The following ARHGAP42 variants were observed in gnomAD, a reference collection of about 807,000 sequenced individuals.
ARHGAP42 encodes rho GTPase-activating protein 42.
Under a neutral mutation model 125.0 loss-of-function variants are expected in ARHGAP42, and 63 were observed. The observed-to-expected ratio is 0.50, with a 90% CI of 0.41 to 0.62. The LOEUF (loss-of-function observed/expected upper bound fraction) is 0.62. Among genes scored for constraint, ARHGAP42 ranks in the 20% least tolerant of loss-of-function variants. ARHGAP42 has a pLI of 0.00. For synonymous variants in ARHGAP42, 339 were observed against 351.0 expected, an observed-to-expected ratio of 0.97 and a Z score of 0.38; for missense variants, 766 against 1,024.2, an observed-to-expected ratio of 0.75 and a Z score of 3.44.
At chr11:100,983,731 C>G (rs184038382) in intron 22 of ARHGAP42, among the ~76,000 whole-genome samples, 3 of 152,106 alleles carry the variant, frequency 2.0e-5, no homozygotes, top group Admixed American at 2.0e-4. Context: ...TCTACAGGCT[C>G]AGGTGGAAGT....
intron 1 of ARHGAP42, among the ~76,000 whole-genome samples, chr11:100,740,444 T>C (rs1862160180): frequency 6.6e-6 from 1 of 152,202 alleles, no homozygotes; most frequent in African/African-American, 2.4e-5. Flanking sequence ...GGTTAACTAA[T>C]TTGCTCCAGG....
intron 1 of ARHGAP42, among the ~76,000 whole-genome samples, chr11:100,717,040 A>G (rs577154264): frequency 6.6e-6 from 1 of 152,304 alleles, no homozygotes; most frequent in East Asian, 1.9e-4. Context: ...CTAAACATTT[A>G]TCATCTGAGG....
chr11:100,774,282 A>G (rs1863056510), intron 2 of ARHGAP42, among the ~76,000 whole-genome samples: 2 of 152,202 alleles, frequency 1.3e-5, no homozygotes, highest in Admixed American at 1.3e-4. Flanking sequence ...TGGGTGGAGC[A>G]TAAGGATCAC....
intron 2 of ARHGAP42, among the ~76,000 whole-genome samples, chr11:100,775,715 TTAAGTC>T (rs1296884727): frequency 6.6e-6 from 1 of 152,222 alleles, no homozygotes; most frequent in Non-Finnish European, 1.5e-5. Flanking sequence ...ATAAAAGACT[TTAAGTC>T]TGAGCACATC....
At chr11:100,787,151 G>A (rs547700666) in intron 2 of ARHGAP42, among the ~76,000 whole-genome samples, 10 of 151,928 alleles carry the variant, frequency 6.6e-5, no homozygotes, top group South Asian at 2.1e-4. Context: ...GGTGGTGGGC[G>A]CCTGTAGTCC....
chr11:100,718,588 A>G (rs1442975659), intron 1 of ARHGAP42, among the ~76,000 whole-genome samples: 1 of 151,922 alleles, frequency 6.6e-6, no homozygotes, highest in African/African-American at 2.4e-5. Context: ...GAAAAATTAA[A>G]GTTACATATA....
intron 5 of ARHGAP42, among the ~76,000 whole-genome samples, chr11:100,916,699 T>G (rs1253278108): frequency 6.6e-6 from 1 of 152,148 alleles, no homozygotes; most frequent in Non-Finnish European, 1.5e-5. Flanking sequence ...ACATGCTAGG[T>G]AGTTGAGACG....
chr11:100,728,535 C>T (rs917591461), intron 1 of ARHGAP42, among the ~76,000 whole-genome samples: 3 of 151,804 alleles, frequency 2.0e-5, no homozygotes, highest in African/African-American at 7.3e-5. Context: ...GGCTCTTTCC[C>T]CTCTATTTGA....
intron 4 of ARHGAP42, among the ~76,000 whole-genome samples, chr11:100,897,507 T>C (rs1319650107): frequency 6.6e-6 from 1 of 152,192 alleles, no homozygotes; most frequent in African/African-American, 2.4e-5. Flanking sequence ...GTGTCCTCTT[T>C]TATTTCCTTG....
intron 1 of ARHGAP42, among the ~76,000 whole-genome samples, chr11:100,733,603 C>T (rs1193250265): frequency 1.3e-5 from 2 of 151,964 alleles, no homozygotes; most frequent in Non-Finnish European, 2.9e-5. Flanking sequence ...GCGGGCAGAT[C>T]ACCTGAGGTC....
chr11:100,908,316 G>A (rs745349236), intron 4 of ARHGAP42, among the ~76,000 whole-genome samples: 3 of 152,168 alleles, frequency 2.0e-5, no homozygotes, highest in Non-Finnish European at 4.4e-5. Context: ...TAAAACAATA[G>A]TGTGTATTCC....
chr11:100,947,042 A>G (rs1047511254), intron 10 of ARHGAP42, among the ~76,000 whole-genome samples: 19 of 151,962 alleles, frequency 1.3e-4, no homozygotes, highest in African/African-American at 4.3e-4. Flanking sequence ...ATGATTTTTA[A>G]GATCCACTTA....
chr11:100,803,209 C>G (rs971816056), intron 3 of ARHGAP42, among the ~76,000 whole-genome samples: 4 of 70,022 alleles, frequency 5.7e-5, no homozygotes, highest in South Asian at 1.3e-3. Context: ...GATCCAATCT[C>G]TACTAAAAAA....
At chr11:100,833,862 A>C (rs952687100) in intron 3 of ARHGAP42, among the ~76,000 whole-genome samples, 1 of 152,200 alleles carries the variant, frequency 6.6e-6, no homozygotes, top group South Asian at 2.1e-4. Flanking sequence ...GAGAAGTGTT[A>C]ATGAGTTTGC....
At chr11:100,815,674 G>A (rs1864251008) in intron 3 of ARHGAP42, among the ~76,000 whole-genome samples, 1 of 152,094 alleles carries the variant, frequency 6.6e-6, no homozygotes, top group Admixed American at 6.6e-5. Flanking sequence ...TCCATATAAT[G>A]TACCATCTTA....
At chr11:100,942,323 C>T (rs761439899) in intron 9 of ARHGAP42, among the ~76,000 whole-genome samples, 1 of 152,106 alleles carries the variant, frequency 6.6e-6, no homozygotes, top group Non-Finnish European at 1.5e-5. Flanking sequence ...ATACTGTTAA[C>T]CAAAATGCTG....
chr11:100,967,917 T>C (rs940241338), intron 17 of ARHGAP42, among the ~76,000 whole-genome samples: 1 of 152,062 alleles, frequency 6.6e-6, no homozygotes, highest in African/African-American at 2.4e-5. Context: ...AGAGACGGGG[T>C]TTCACCACGT....
At position 100,990,952 on chromosome 11, in the gene ARHGAP42, T is replaced by C. The variant is rs189846004; in HGVS notation, c.*2151T>C. On this transcript the variant is annotated 3_prime_UTR_variant, in exon 24 of 24. Coordinates refer to ENST00000298815, the MANE Select transcript of ARHGAP42 (RefSeq NM_152432.4). ...AAAGTGTTCCTGCTTCTGAGTTGTC[T>C]GTAAGCTAATTCTGCAGATGTTCCA... 3.5e-4 allele frequency: 54 copies of C among 152,360 alleles called. No homozygotes were observed. In the East Asian group the frequency reaches 9.8e-3, roughly 28 times the overall value. 9.4% of individuals were successfully genotyped at this position (152,360 alleles called of 1,614,324 possible).
intron 1 of ARHGAP42, among the ~76,000 whole-genome samples, chr11:100,717,708 T>C (rs1861689825): frequency 6.8e-6 from 1 of 146,914 alleles, no homozygotes; most frequent in South Asian, 2.2e-4. Flanking sequence ...GGCAGATCAA[T>C]AGAGGTCAGG....
Sources: allele counts gnomAD v4.1 joint callset (sites outside exome capture counted in the v4.1 genomes callset), GRCh38; gene constraint gnomAD v4.1.1; transcripts MANE v1.5; gene names NCBI Gene and HGNC (gene_info 2026-07-23, HGNC 2026-07-21).